Variants in IFI27L1 observed in about 807,000 individuals in gnomAD.
The protein encoded by IFI27L1 is interferon alpha inducible protein 27 like 1.
A neutral mutation model predicts 9.2 loss-of-function variants in IFI27L1; 3 were observed. The ratio of observed to expected loss-of-function variants is 0.32; its 90% CI spans 0.15 to 0.84. The LOEUF is 0.84. IFI27L1 is among the 40% of genes least tolerant of loss of function. The pLI is 0.56. For missense variants in IFI27L1, 133 were observed against 134.2 expected (o/e 0.99, Z 0.05); for synonymous variants, 53 against 50.0 (o/e 1.06, Z -0.26).
chr14:94,093,418 G>A (rs1357720947), intron 1 of IFI27L1, among the ~76,000 whole-genome samples: 2 of 151,826 alleles, frequency 1.3e-5, no homozygotes, highest in East Asian at 1.9e-4. Flanking sequence ...TGATCCGCCC[G>A]CCTCAGCCTT....
intron 1 of IFI27L1, among the ~76,000 whole-genome samples, chr14:94,094,285 A>G (rs1886589296): frequency 2.0e-5 from 3 of 152,144 alleles, no homozygotes; most frequent in Non-Finnish European, 4.4e-5. Flanking sequence ...GGGTGGCAGG[A>G]TTGAGCATGT....
chr14:94,093,540 G>A (rs548705390), intron 1 of IFI27L1, among the ~76,000 whole-genome samples: 2 of 152,136 alleles, frequency 1.3e-5, no homozygotes, highest in South Asian at 2.1e-4. Flanking sequence ...AAGATTTATA[G>A]TATGAAACAT....
chr14:94,098,776 G>A (rs143166389), intron 2 of IFI27L1, among the ~76,000 whole-genome samples: 2 of 152,270 alleles, frequency 1.3e-5, no homozygotes, highest in African/African-American at 4.8e-5. Flanking sequence ...AGGAGTGGTG[G>A]TGTGTCGTGC....
intron 2 of IFI27L1, chr14:94,100,236 G>A: frequency 5.1e-6 from 5 of 980,796 alleles, no homozygotes; most frequent in Non-Finnish European, 6.1e-6. Flanking sequence ...GAAATGGCAG[G>A]GAGTGATGGG....
chr14:94,085,676 G>A (rs1410757330), intron 1 of IFI27L1, among the ~76,000 whole-genome samples: 1 of 151,972 alleles, frequency 6.6e-6, no homozygotes, highest in African/African-American at 2.4e-5. Context: ...TATAATTAGT[G>A]TACAATAAAA....
intron 1 of IFI27L1, chr14:94,089,414 C>T (rs953745812): frequency 1.3e-5 from 2 of 152,134 alleles, no homozygotes; most frequent in Non-Finnish European, 2.9e-5. Flanking sequence ...GTTGCCATGG[C>T]GTTTATAAAT....
At chr14:94,082,797 A>G (rs1332523874) in intron 1 of IFI27L1, among the ~76,000 whole-genome samples, 1 of 152,258 alleles carries the variant, frequency 6.6e-6, no homozygotes, top group African/African-American at 2.4e-5. Context: ...ATTATTGCTC[A>G]TTGAAAATGT....
At position 94,102,515 on chromosome 14, in the gene IFI27L1, G is replaced by A. The variant is rs1372087707; in HGVS notation, c.262G>A (p.Gly88Ser). The A allele has an allele frequency of 1.3e-6, 2 of 1,593,180 alleles. No individual in the cohort carries two copies. Among genetic ancestry groups the A allele is most frequent in the African/African-American group, 2.7e-5 (2 of 73,770 alleles). ...CTCTGTGACATCTAAAGTTATCGGG[G>A]GCTTTGCTGGGACAGCTCTTGGGGC... ...GLSVTSKVIGGFAGTALGAWL... is the reference protein window; with the variant it reads ...GLSVTSKVIGSFAGTALGAWL... The change falls in exon 5 of 5, where the codon GGC becomes AGC. Residue 88 changes from glycine to serine, a missense_variant. Gly to Ser is a moderately conservative substitution (Grantham distance 56). Transcript: ENST00000555523.
intron 1 of IFI27L1, among the ~76,000 whole-genome samples, chr14:94,082,506 T>G (rs928156737): frequency 2.6e-5 from 4 of 152,252 alleles, no homozygotes; most frequent in African/African-American, 7.2e-5. Flanking sequence ...TCAAGGACTT[T>G]CATAGCTAGA....
intron 3 of IFI27L1, among the ~76,000 whole-genome samples, chr14:94,101,556 A>G (rs1300320040): frequency 2.0e-5 from 3 of 152,250 alleles, no homozygotes; most frequent in Non-Finnish European, 4.4e-5. Context: ...CATTAGGGGA[A>G]CAGAGGCCCA....
chr14:94,096,745 A>T (rs1886685622), intron 1 of IFI27L1, 142 bp from the exon 2 acceptor site: 2 of 514,484 alleles, frequency 3.9e-6, no homozygotes, highest in Non-Finnish European at 7.1e-6. Context: ...GTAGTTACTC[A>T]AAAGTGGGTT....
At chr14:94,083,720 A>G (rs961023647) in intron 1 of IFI27L1, among the ~76,000 whole-genome samples, 4 of 152,238 alleles carry the variant, frequency 2.6e-5, no homozygotes, top group Admixed American at 6.5e-5. Flanking sequence ...TATTCTTTCA[A>G]CTTTTTTGAG....
At chr14:94,089,242 A>G (rs1886386683) in intron 1 of IFI27L1, 1 of 152,250 alleles carries the variant, frequency 6.6e-6, no homozygotes, top group Non-Finnish European at 1.5e-5. Context: ...TGGCCATTCC[A>G]TAGTCAGAAT....
At chr14:94,096,785 C>T in intron 1 of IFI27L1, 102 bp from the exon 2 acceptor site, 1 of 588,336 alleles carries the variant, frequency 1.7e-6, no homozygotes, top group Non-Finnish European at 3.1e-6. Flanking sequence ...TATGATAATT[C>T]TATTTTTAAT....
At chr14:94,090,493 G>C (rs966720640) in intron 1 of IFI27L1, among the ~76,000 whole-genome samples, 1 of 152,148 alleles carries the variant, frequency 6.6e-6, no homozygotes, top group African/African-American at 2.4e-5. Flanking sequence ...GTGGAACTTT[G>C]TTCCATGAAA....
intron 2 of IFI27L1, among the ~76,000 whole-genome samples, chr14:94,098,199 T>C (rs1280398976): frequency 2.0e-5 from 3 of 152,174 alleles, no homozygotes; most frequent in Non-Finnish European, 2.9e-5. Context: ...TTCTCACCGT[T>C]CTGGAGGCTA....
intron 1 of IFI27L1, among the ~76,000 whole-genome samples, chr14:94,081,887 A>T (rs190153045): frequency 2.2e-4 from 34 of 152,300 alleles, no homozygotes; most frequent in African/African-American, 6.5e-4. Context: ...TGTTGAAATT[A>T]GGTCAATTAA....
chr14:94,100,413 T>A, intron 2 of IFI27L1: 5 of 985,406 alleles, frequency 5.1e-6, no homozygotes, highest in Non-Finnish European at 6.0e-6. Flanking sequence ...TTGTCAGATG[T>A]TCCTGCCAGC....
At chr14:94,083,676 T>A (rs1886185069) in intron 1 of IFI27L1, among the ~76,000 whole-genome samples, 1 of 152,246 alleles carries the variant, frequency 6.6e-6, no homozygotes, top group Non-Finnish European at 1.5e-5. Context: ...GAATTATTGG[T>A]GCTAGAGTAA....
Sources: gnomAD v4.1 joint callset for allele counts (sites outside exome capture counted in the v4.1 genomes callset) on GRCh38, gnomAD v4.1.1 for gene constraint, MANE v1.5 for transcripts, NCBI Gene and HGNC (gene_info 2026-07-23, HGNC 2026-07-21) for gene names.